FGD4: variants seen among roughly 807,000 people sequenced by gnomAD.
FGD4 encodes the protein FYVE, RhoGEF and PH domain-containing protein 4.
In FGD4, 42 loss-of-function variants were observed where a neutral mutation model predicts 102.0. The ratio of observed to expected loss-of-function variants is 0.41; its 90% CI spans 0.32 to 0.53. FGD4 has a LOEUF of 0.53. FGD4 is among the 20% of genes least tolerant of loss of function. The pLI, the probability that FGD4 is intolerant of heterozygous loss-of-function variation, is 0.21. For missense variants in FGD4, 902 were observed against 1,078.2 expected (o/e 0.84, Z 2.29); for synonymous variants, 380 against 375.7 (o/e 1.01, Z -0.13).
chr12:32,590,230 A>T (rs1467098167), intron 4 of FGD4, among the ~76,000 whole-genome samples: 1 of 151,272 alleles, frequency 6.6e-6, no homozygotes, highest in African/African-American at 2.4e-5. Flanking sequence ...GAATCACTTG[A>T]ACCCGAGAGG....
intron 1 of FGD4, chr12:32,511,307 G>A (rs570368392): frequency 6.6e-6 from 1 of 152,136 alleles, no homozygotes; most frequent in Admixed American, 6.5e-5. Flanking sequence ...TAGGGCGATC[G>A]GTGTGATATA....
intron 12 of FGD4, 117 bp downstream of exon 12, chr12:32,624,569 C>T: frequency 1.1e-6 from 1 of 872,210 alleles, no homozygotes; most frequent in Non-Finnish European, 1.8e-6. Context: ...TGTCTGGGCT[C>T]AAGCAAGCCT....
chr12:32,646,035 C>T lies in FGD4; in HGVS notation c.*5502C>T, dbSNP rs976076875. ...TAAACATTTGTATCTTGTAAATAAA[C>T]ACATCCTTAAATTAATTCCAAAGCT... On this transcript the variant is annotated 3_prime_UTR_variant, in exon 17 of 17. Coordinates refer to ENST00000534526, the MANE Select transcript of FGD4 (RefSeq NM_001370298.3). 2.6e-5 allele frequency: 4 copies of T among 151,944 alleles called. No individual in the cohort carries two copies. The highest frequency in any genetic ancestry group is 5.9e-5 in the Non-Finnish European group (4 of 68,010). 9.4% of individuals were successfully genotyped at this position (151,944 alleles called of 1,614,324 possible).
chr12:32,525,818 C>A (rs930897847), intron 1 of FGD4, among the ~76,000 whole-genome samples: 29 of 152,234 alleles, frequency 1.9e-4, no homozygotes, highest in Non-Finnish European at 4.1e-4. Flanking sequence ...AGCACCCGGG[C>A]CAGTGGCTGC....
intron 1 of FGD4, among the ~76,000 whole-genome samples, chr12:32,538,614 C>A (rs1024040419): frequency 6.6e-6 from 1 of 152,018 alleles, no homozygotes; most frequent in African/African-American, 2.4e-5. Context: ...TGTGGCTGAG[C>A]CCGTACATGA....
chr12:32,546,535 T>C (rs937144144), intron 1 of FGD4, among the ~76,000 whole-genome samples: 6 of 152,262 alleles, frequency 3.9e-5, no homozygotes, highest in African/African-American at 9.6e-5. Context: ...TCTCACTCTT[T>C]AGGGATGCCA....
At chr12:32,615,235 A>G (rs1293682638) in intron 10 of FGD4, among the ~76,000 whole-genome samples, 1 of 152,224 alleles carries the variant, frequency 6.6e-6, no homozygotes, top group Non-Finnish European at 1.5e-5. Context: ...CATATACAGT[A>G]TGGTTCTATT....
rs530447533 is a variant in FGD4, at chr12:32,569,245, CT to C, written c.319+4957del. Among the ~76,000 whole-genome samples, 373 of 152,302 alleles carry C rather than the reference CT, an allele frequency of 2.4e-3. 5 individuals carry two copies. The highest frequency in any genetic ancestry group is 2.1e-3 in the Non-Finnish European group (146 of 68,028). ...CTTAATTGTCCACCCTGCTTCTCCC[CT>C]GTTTTCCTCTACATTCTCAACACAG... On this transcript the variant is annotated intron_variant, in intron 2 of 16. Transcript: ENST00000534526.
chr12:32,605,486 A>G (rs61926193), intron 7 of FGD4, among the ~76,000 whole-genome samples: 1,713 of 152,242 alleles, frequency 0.011, 19 homozygotes, highest in South Asian at 0.057. Context: ...CTTTTCAGTG[A>G]TATCCTATTC....
intron 1 of FGD4, among the ~76,000 whole-genome samples, chr12:32,548,888 C>T (rs933876200): frequency 1.3e-5 from 2 of 152,090 alleles, no homozygotes; most frequent in East Asian, 1.9e-4. Context: ...AAGTCAGGGT[C>T]GTGAGGGCAC....
At chr12:32,501,488 C>A (rs1389350968) in intron 1 of FGD4, among the ~76,000 whole-genome samples, 2 of 152,130 alleles carry the variant, frequency 1.3e-5, no homozygotes, top group African/African-American at 4.8e-5. Flanking sequence ...AAACTCAGTA[C>A]ATAGTATAAA....
At chr12:32,492,607 A>G (rs773892393) in intron 1 of FGD4, among the ~76,000 whole-genome samples, 3 of 152,210 alleles carry the variant, frequency 2.0e-5, no homozygotes, top group Non-Finnish European at 4.4e-5. Flanking sequence ...GTTTATTATA[A>G]AAGTGTTAAA....
intron 4 of FGD4, among the ~76,000 whole-genome samples, chr12:32,586,574 G>A (rs951872013): frequency 2.0e-4 from 31 of 152,294 alleles, no homozygotes; most frequent in African/African-American, 7.2e-4. Context: ...CACATGTGTG[G>A]GTTTTTGAAA....
rs529471744 is a variant in FGD4 at position 32,499,981 on chromosome 12, G to A, written c.167-64156G>A. On this transcript the variant is annotated intron_variant, in intron 1 of 16. Transcript: ENST00000534526. Reference sequence around the variant, plus strand: ...TGCAGTGAGCCAAGATCGTGAGCATGGGTGACAAAGTGAGACCCTATCTCC... The same window carrying A: ...TGCAGTGAGCCAAGATCGTGAGCATAGGTGACAAAGTGAGACCCTATCTCC... 5.3e-5 allele frequency among the ~76,000 whole-genome samples: 8 copies of A among 152,368 alleles called. No homozygotes were observed. In the South Asian group the frequency reaches 1.7e-3, roughly 32 times the overall value.
chr12:32,563,987 CGTGGAAAGA>C, intron 1 of FGD4, 141 bp from the exon 2 acceptor site: 1 of 735,842 alleles, frequency 1.4e-6, no homozygotes, highest in Non-Finnish European at 2.0e-6. Context: ...AGAGGGAGAC[CGTGGAAAGA>C]GAGGGAGACC....
intron 1 of FGD4, among the ~76,000 whole-genome samples, chr12:32,467,276 C>T (rs7971819): frequency 0.37 from 56,464 of 151,878 alleles, 11,433 homozygotes; most frequent in South Asian, 0.51. Context: ...TTACTATACA[C>T]GGTGCAATAA....
chr12:32,425,000 A>G (rs931529001), intron 1 of FGD4, among the ~76,000 whole-genome samples: 3 of 151,866 alleles, frequency 2.0e-5, no homozygotes, highest in Non-Finnish European at 4.4e-5. Context: ...GATTGCAGAA[A>G]TTTTCTCCCA....
intron 1 of FGD4, chr12:32,486,088 A>G (rs956173177): frequency 6.6e-6 from 10 of 1,525,094 alleles, no homozygotes; most frequent in Non-Finnish European, 7.9e-6. Context: ...AGAAGCAGGA[A>G]ATAGGTTAAT....
At position 32,634,746 on chromosome 12, in the gene FGD4, T is replaced by C. The variant is rs186905844; in HGVS notation, c.2313+1057T>C. Among the ~76,000 whole-genome samples, 228 of 152,292 alleles carry C rather than the reference T, an allele frequency of 1.5e-3. 2 individuals are homozygous for C. The highest frequency in any genetic ancestry group is 5.3e-3 in the African/African-American group (222 of 41,570). ...TGGCTCATGCCTGTAATCCCAGCAC[T>C]TTGGGAAGTTGAGGCAGTTGGATCA... On this transcript the variant is annotated intron_variant, in intron 15 of 16. Coordinates refer to ENST00000534526, the MANE Select transcript of FGD4 (RefSeq NM_001370298.3).
Sources: gnomAD v4.1 joint callset for allele counts (sites outside exome capture counted in the v4.1 genomes callset) on GRCh38, gnomAD v4.1.1 for gene constraint, MANE v1.5 for transcripts, NCBI Gene and HGNC (gene_info 2026-07-23, HGNC 2026-07-21) for gene names.